PPP1R9A: variants seen among roughly 807,000 people sequenced by gnomAD.
PPP1R9A encodes neurabin-1.
In PPP1R9A, 59 loss-of-function variants were observed where a neutral mutation model predicts 141.9. That is an observed-to-expected ratio of 0.42 (90% CI 0.34 to 0.52). PPP1R9A has a LOEUF of 0.52. Among genes scored for constraint, PPP1R9A ranks in the 20% least tolerant of loss-of-function variants. PPP1R9A has a pLI of 0.10. For missense variants in PPP1R9A, 1,444 were observed against 1,611.9 expected (o/e 0.90, Z 1.78); for synonymous variants, 500 against 569.7 (o/e 0.88, Z 1.74).
chr7:95,154,870 A>G (rs1829334693), intron 4 of PPP1R9A: 1 of 152,214 alleles, frequency 6.6e-6, no homozygotes, highest in Non-Finnish European at 1.5e-5. Flanking sequence ...TGGATACACA[A>G]ATAGAGAAAC....
At chr7:95,259,809 A>G (rs1800153437) in intron 12 of PPP1R9A, among the ~76,000 whole-genome samples, 1 of 152,232 alleles carries the variant, frequency 6.6e-6, no homozygotes, top group Admixed American at 6.5e-5. Context: ...AGAGCATTAG[A>G]TACAGAGCAA....
chr7:94,915,169 A>C (rs944565673), intron 2 of PPP1R9A, among the ~76,000 whole-genome samples: 1 of 152,254 alleles, frequency 6.6e-6, no homozygotes, highest in African/African-American at 2.4e-5. Context: ...TTACAGGATT[A>C]GAATTCAAAT....
chr7:95,027,436 G>T (rs149618586), intron 2 of PPP1R9A, among the ~76,000 whole-genome samples: 3 of 152,268 alleles, frequency 2.0e-5, no homozygotes, highest in African/African-American at 7.2e-5. Flanking sequence ...CAGTCCCCAT[G>T]AGATGAGCTG....
At chr7:95,188,716 A>G (rs1455854550) in intron 5 of PPP1R9A, among the ~76,000 whole-genome samples, 1 of 151,070 alleles carries the variant, frequency 6.6e-6, no homozygotes, top group Non-Finnish European at 1.5e-5. Flanking sequence ...CTACTTCCTC[A>G]GCCTCCTGAG....
chr7:95,103,297 T>C (rs1819033311), intron 2 of PPP1R9A, among the ~76,000 whole-genome samples: 2 of 151,340 alleles, frequency 1.3e-5, no homozygotes, highest in Non-Finnish European at 2.9e-5. Context: ...TTCCTTGTGT[T>C]GCCGTTTGAA....
chr7:94,937,759 T>G (rs17482791), intron 2 of PPP1R9A, among the ~76,000 whole-genome samples: 6,344 of 152,274 alleles, frequency 0.042, 147 homozygotes, highest in East Asian at 0.088. Flanking sequence ...TGAAAGCATC[T>G]TCTCTGTGGT....
At chr7:95,159,479 T>C (rs577555676) in intron 4 of PPP1R9A, among the ~76,000 whole-genome samples, 8 of 152,316 alleles carry the variant, frequency 5.3e-5, no homozygotes, top group Admixed American at 2.6e-4. Flanking sequence ...GTTTGTTACA[T>C]AGGTATACAT....
chr7:95,068,709 G>T (rs1041147311), intron 2 of PPP1R9A, among the ~76,000 whole-genome samples: 93 of 148,592 alleles, frequency 6.3e-4, no homozygotes, highest in African/African-American at 2.3e-3. Flanking sequence ...TATGCTCTCA[G>T]CATCCCTGTG....
intron 2 of PPP1R9A, among the ~76,000 whole-genome samples, chr7:94,976,520 T>G (rs988319207): frequency 1.3e-5 from 2 of 152,040 alleles, no homozygotes; most frequent in Non-Finnish European, 2.9e-5. Flanking sequence ...TTTTATATTT[T>G]TAGTGGAGAC....
chr7:95,288,103 C>T (rs1010186130), intron 18 of PPP1R9A, among the ~76,000 whole-genome samples: 2 of 152,164 alleles, frequency 1.3e-5, no homozygotes, highest in Non-Finnish European at 2.9e-5. Flanking sequence ...GGCTTGAGAG[C>T]TTAATGCTCT....
At chr7:94,945,698 T>C (rs1432622981) in intron 2 of PPP1R9A, among the ~76,000 whole-genome samples, 1 of 152,086 alleles carries the variant, frequency 6.6e-6, no homozygotes, top group African/African-American at 2.4e-5. Flanking sequence ...AATAAAGATA[T>C]AAACTTGTTT....
At chr7:95,062,769 C>A (rs546846964) in intron 2 of PPP1R9A, among the ~76,000 whole-genome samples, 1 of 152,018 alleles carries the variant, frequency 6.6e-6, no homozygotes, top group South Asian at 2.1e-4. Context: ...CCCTGCCCCA[C>A]TTTTTTCTGC....
intron 7 of PPP1R9A, among the ~76,000 whole-genome samples, chr7:95,220,845 T>A (rs1189699513): frequency 6.6e-6 from 1 of 152,090 alleles, no homozygotes; most frequent in Non-Finnish European, 1.5e-5. Context: ...GATGTTCTCA[T>A]GTACACGGTT....
intron 8 of PPP1R9A, among the ~76,000 whole-genome samples, chr7:95,236,560 A>G (rs1796703113): frequency 6.6e-6 from 1 of 151,434 alleles, no homozygotes. Context: ...GAAGTATTTT[A>G]TATTTATAAG....
At chr7:95,180,298 G>A (rs948540259) in intron 5 of PPP1R9A, among the ~76,000 whole-genome samples, 1 of 152,066 alleles carries the variant, frequency 6.6e-6, no homozygotes, top group Admixed American at 6.6e-5. Context: ...TTAACAAATG[G>A]TGCTGGGATA....
At chr7:95,217,117 C>T (rs977473789) in intron 7 of PPP1R9A, among the ~76,000 whole-genome samples, 1 of 152,010 alleles carries the variant, frequency 6.6e-6, no homozygotes, top group Non-Finnish European at 1.5e-5. Flanking sequence ...TCATAAATAG[C>T]TCTTATTATT....
intron 2 of PPP1R9A, among the ~76,000 whole-genome samples, chr7:95,013,255 T>A (rs1339888066): frequency 6.6e-6 from 1 of 152,164 alleles, no homozygotes. Flanking sequence ...ATTGTTTTAC[T>A]GATATATATA....
At chr7:95,072,653 TA>T (rs1441315408) in intron 2 of PPP1R9A, among the ~76,000 whole-genome samples, 2 of 123,386 alleles carry the variant, frequency 1.6e-5, no homozygotes, top group African/African-American at 6.1e-5. Flanking sequence ...TAATATATTA[TA>T]AAATATATAT....
intron 6 of PPP1R9A, 45 bp from the exon 7 acceptor site, chr7:95,203,620 G>C: frequency 7.1e-7 from 1 of 1,408,624 alleles, no homozygotes; most frequent in African/African-American, 1.4e-5. Flanking sequence ...TGCTCTCTGC[G>C]GTGGGGGTTA....
Sources: allele counts gnomAD v4.1 joint callset (sites outside exome capture counted in the v4.1 genomes callset), GRCh38; gene constraint gnomAD v4.1.1; transcripts MANE v1.5; gene names NCBI Gene and HGNC (gene_info 2026-07-23, HGNC 2026-07-21).